Variants in ARFIP1 observed in about 807,000 individuals in gnomAD.
ARFIP1 encodes the protein arfaptin-1.
ARFIP1 carries 24 observed loss-of-function variants against 42.5 expected under a neutral mutation model. The ratio of observed to expected loss-of-function variants is 0.57; its 90% CI spans 0.41 to 0.80. The LOEUF is 0.80. Among genes scored for constraint, ARFIP1 ranks in the 30% least tolerant of loss-of-function variants. The pLI, the probability that ARFIP1 is intolerant of heterozygous loss-of-function variation, is 0.00. For missense variants in ARFIP1, 354 were observed against 434.0 expected, an observed-to-expected ratio of 0.82 and a Z score of 1.64; for synonymous variants, 141 against 153.7, an observed-to-expected ratio of 0.92 and a Z score of 0.61.
At chr4:152,795,805 T>C (rs72723663) in intron 1 of ARFIP1, among the ~76,000 whole-genome samples, 5,983 of 144,620 alleles carry the variant, frequency 0.041, 161 homozygotes, top group South Asian at 0.11. Context: ...CGATTGTTAC[T>C]TGAGGGCCCT....
chr4:152,787,536 G>T (rs1435983592), intron 1 of ARFIP1, among the ~76,000 whole-genome samples: 1 of 152,260 alleles, frequency 6.6e-6, no homozygotes, highest in African/African-American at 2.4e-5. Context: ...ATGTGTATGT[G>T]TAAGAAATGA....
chr4:152,905,058 G>C (rs1157508888), intron 8 of ARFIP1, among the ~76,000 whole-genome samples: 1 of 152,126 alleles, frequency 6.6e-6, no homozygotes, highest in Non-Finnish European at 1.5e-5. Context: ...CCCAGCATCT[G>C]TTGTTTCTTG....
At chr4:152,782,742 A>T (rs770199825) in intron 1 of ARFIP1, among the ~76,000 whole-genome samples, 23 of 152,058 alleles carry the variant, frequency 1.5e-4, no homozygotes, top group Non-Finnish European at 2.8e-4. Flanking sequence ...TATTTTAATG[A>T]TTGTTTCTCT....
intron 1 of ARFIP1, chr4:152,796,841 G>A (rs1192599481): frequency 1.8e-5 from 10 of 557,852 alleles, no homozygotes; most frequent in Admixed American, 1.3e-4. Context: ...GCACAGTGAC[G>A]GCTGCAGAGC....
At chr4:152,834,015 G>T (rs868407930) in intron 2 of ARFIP1, among the ~76,000 whole-genome samples, 7 of 152,296 alleles carry the variant, frequency 4.6e-5, no homozygotes, top group Middle Eastern at 3.4e-3. Flanking sequence ...GGGCCTCAGG[G>T]AGCTTTTACC....
At chr4:152,907,613 G>C (rs146758248) in intron 8 of ARFIP1, among the ~76,000 whole-genome samples, 2 of 152,204 alleles carry the variant, frequency 1.3e-5, no homozygotes, top group African/African-American at 4.8e-5. Context: ...ATATCATTCA[G>C]TTTGAACTCT....
chr4:152,875,369 CTT>C (rs1336257681), intron 5 of ARFIP1, among the ~76,000 whole-genome samples: 2 of 60,462 alleles, frequency 3.3e-5, no homozygotes, highest in Non-Finnish European at 6.9e-5. Flanking sequence ...TGAAGTTTGT[CTT>C]TTTTTATAAA....
chr4:152,906,949 T>C (rs1417212859), intron 8 of ARFIP1, among the ~76,000 whole-genome samples: 6 of 152,226 alleles, frequency 3.9e-5, no homozygotes, highest in African/African-American at 1.4e-4. Context: ...CTTAAATCTG[T>C]ATTCAACTGT....
At chr4:152,823,182 A>G (rs1196164876) in intron 1 of ARFIP1, among the ~76,000 whole-genome samples, 3 of 152,226 alleles carry the variant, frequency 2.0e-5, no homozygotes, top group Non-Finnish European at 4.4e-5. Flanking sequence ...AGAAGATTCA[A>G]ATAATCTCAA....
intron 1 of ARFIP1, among the ~76,000 whole-genome samples, chr4:152,806,744 G>A (rs965577096): frequency 6.6e-6 from 1 of 151,140 alleles, no homozygotes; most frequent in African/African-American, 2.4e-5. Flanking sequence ...AGTTTTGTAT[G>A]TTCTAGAATT....
At chr4:152,870,647 C>G in intron 3 of ARFIP1, 106 bp from the exon 4 acceptor site, 1 of 749,338 alleles carries the variant, frequency 1.3e-6, no homozygotes, top group Non-Finnish European at 2.2e-6. Flanking sequence ...ACTTTTAATC[C>G]TAGTGTTTGA....
intron 5 of ARFIP1, among the ~76,000 whole-genome samples, chr4:152,873,758 C>T (rs574491541): frequency 3.9e-5 from 6 of 152,294 alleles, no homozygotes; most frequent in African/African-American, 7.2e-5. Context: ...TTAACCAATT[C>T]GCTAAGACTA....
Position 152,910,356 on chromosome 4 carries a change from C to T in ARFIP1, c.*137C>T. 9.6e-7 allele frequency: 1 copy of T among 1,040,106 alleles called. No homozygotes were observed. The highest frequency in any genetic ancestry group is 1.3e-6 in the Non-Finnish European group (1 of 741,068). 64.4% of individuals were successfully genotyped at this position (1,040,106 alleles called of 1,614,324 possible). A position where few individuals can be genotyped will look rare whatever the true frequency, so the allele number is the denominator to read the frequency against. ...CTTGCACAAACAGCTTTAATTTTTC[C>T]CTTTTTCATACTTTAACAATTGAAC... On this transcript the variant is annotated 3_prime_UTR_variant, in exon 9 of 9. Transcript: ENST00000353617.
At chr4:152,856,059 A>G (rs963881939) in intron 2 of ARFIP1, among the ~76,000 whole-genome samples, 2 of 152,178 alleles carry the variant, frequency 1.3e-5, no homozygotes, top group African/African-American at 4.8e-5. Context: ...GCCATCTTGA[A>G]GCCCCTCTCT....
At chr4:152,795,401 A>C (rs1396501577) in intron 1 of ARFIP1, among the ~76,000 whole-genome samples, 1 of 152,160 alleles carries the variant, frequency 6.6e-6, no homozygotes, top group Admixed American at 6.5e-5. Context: ...TAGTTTATTC[A>C]GTCACTTTCC....
intron 2 of ARFIP1, among the ~76,000 whole-genome samples, chr4:152,855,457 G>C (rs112554946): frequency 6.6e-4 from 100 of 152,304 alleles, no homozygotes; most frequent in African/African-American, 2.3e-3. Flanking sequence ...ACTGGCGGCA[G>C]CCTAGGCTGG....
At chr4:152,842,896 A>G (rs1732210673) in intron 2 of ARFIP1, among the ~76,000 whole-genome samples, 1 of 151,978 alleles carries the variant, frequency 6.6e-6, no homozygotes, top group Admixed American at 6.6e-5. Flanking sequence ...CTTAATAACT[A>G]ACCTCCTGAA....
intron 1 of ARFIP1, among the ~76,000 whole-genome samples, chr4:152,797,931 G>T (rs1731567625): frequency 6.6e-6 from 1 of 152,042 alleles, no homozygotes; most frequent in African/African-American, 2.4e-5. Flanking sequence ...TTAACTAGTT[G>T]ATTTGGCTAA....
At chr4:152,785,771 C>G (rs1578793095) in intron 1 of ARFIP1, among the ~76,000 whole-genome samples, 1 of 152,320 alleles carries the variant, frequency 6.6e-6, no homozygotes, top group South Asian at 2.1e-4. Flanking sequence ...TAAACCTGCA[C>G]TGTCTAATGC....
Sources: allele counts gnomAD v4.1 joint callset (sites outside exome capture counted in the v4.1 genomes callset), GRCh38; gene constraint gnomAD v4.1.1; transcripts MANE v1.5; gene names NCBI Gene and HGNC (gene_info 2026-07-23, HGNC 2026-07-21).